CBR4: variants seen among roughly 807,000 people sequenced by gnomAD.
CBR4 encodes 3-oxoacyl-[acyl-carrier-protein] reductase.
CBR4 carries 22 observed loss-of-function variants against 21.0 expected under a neutral mutation model. The observed-to-expected ratio is 1.05, with a 90% CI of 0.75 to 1.50. CBR4 has a LOEUF of 1.50. Among genes scored for constraint, CBR4 ranks in the 40% most tolerant of loss-of-function variants. CBR4 has a pLI of 0.00. For synonymous variants in CBR4, 100 were observed against 104.4 expected, an observed-to-expected ratio of 0.96 and a Z score of 0.26; for missense variants, 302 against 286.3, an observed-to-expected ratio of 1.05 and a Z score of -0.40.
At chr4:168,961,718 C>T (rs1415048611) in intron 2 of CBR4, among the ~76,000 whole-genome samples, 1 of 150,782 alleles carries the variant, frequency 6.6e-6, no homozygotes, top group Non-Finnish European at 1.5e-5. Flanking sequence ...GGTGAAACCC[C>T]GTCTCTACTA....
At chr4:168,942,401 T>C (rs902596395) in intron 2 of CBR4, among the ~76,000 whole-genome samples, 1 of 150,980 alleles carries the variant, frequency 6.6e-6, no homozygotes, top group African/African-American at 2.4e-5. Context: ...TAAAGTACAA[T>C]TTAAAAAAAA....
chr4:168,907,071 C>G (rs548122434), intron 2 of CBR4, among the ~76,000 whole-genome samples: 2 of 152,126 alleles, frequency 1.3e-5, no homozygotes, highest in Admixed American at 1.3e-4. Context: ...GTGACCTTAG[C>G]AAGTCACTTA....
chr4:168,978,551 G>GC (rs937095017), intron 2 of CBR4, among the ~76,000 whole-genome samples: 15 of 152,172 alleles, frequency 9.9e-5, no homozygotes, highest in Non-Finnish European at 2.1e-4. Flanking sequence ...GTGAATAAGA[G>GC]CCCCAGGAAA....
In CBR4 at chr4:168,950,765, G is replaced by C. The variant is rs561710752; in HGVS notation, n.169+51306C>G. On this transcript the variant is annotated intron_variant and non_coding_transcript_variant, in intron 2 of 3. Transcript: ENST00000509108. Reference sequence around the variant, plus strand: ...TAGTAATTGTTTTATAAAACTGGGAGCTCCAGTGTTAGGTGCATATATATT... The same window carrying C: ...TAGTAATTGTTTTATAAAACTGGGACCTCCAGTGTTAGGTGCATATATATT... 5.3e-5 allele frequency among the ~76,000 whole-genome samples: 8 copies of C among 152,236 alleles called. No homozygotes were observed. In the South Asian group the frequency reaches 1.7e-3, roughly 32 times the overall value.
At chr4:168,926,487 T>C in intron 2 of CBR4, 1 of 693,614 alleles carries the variant, frequency 1.4e-6, no homozygotes, top group Non-Finnish European at 2.1e-6. Flanking sequence ...CCTTTGACTA[T>C]AAGAAATTAA....
At chr4:168,904,981 G>C (rs984820355) in intron 2 of CBR4, among the ~76,000 whole-genome samples, 1 of 151,752 alleles carries the variant, frequency 6.6e-6, no homozygotes, top group African/African-American at 2.4e-5. Flanking sequence ...ACAAAAATTA[G>C]CCAGGTGTGG....
In CBR4 at chr4:168,903,754, C is replaced by CAT. The variant is rs767632039; in HGVS notation, n.170-8990_170-8989insAT. On this transcript the variant is annotated intron_variant and non_coding_transcript_variant, in intron 2 of 3. Coordinates refer to the CBR4 transcript ENST00000509108. ...AATCTTTAATCTTTGTTTCTATTCA[C>CAT]AGATCTATTGGTTTAAAGATGGGAA... The CAT allele has an allele frequency of 2.5e-6, 4 of 1,607,916 alleles. No homozygotes were observed. The Admixed American group carries it at 5.0e-5, about 20-fold the overall frequency.
At position 168,954,294 on chromosome 4, in the gene CBR4, A is replaced by G. The variant is rs114166302; in HGVS notation, n.169+47777T>C. Among the ~76,000 whole-genome samples the G allele has an allele frequency of 5.6e-3, 849 of 152,316 alleles. 4 individuals carry two copies. The highest frequency in any genetic ancestry group is 8.7e-3 in the Non-Finnish European group (592 of 68,030). Reference sequence around the variant, plus strand: ...ATTCTGAGGAAAATGTTTCCAAGCTAGTATTCTGTCTTAGTCCATTTCCTG... The same window carrying G: ...ATTCTGAGGAAAATGTTTCCAAGCTGGTATTCTGTCTTAGTCCATTTCCTG... On this transcript the variant is annotated intron_variant and non_coding_transcript_variant, in intron 2 of 3. Transcript: ENST00000509108.
intron 2 of CBR4, among the ~76,000 whole-genome samples, chr4:168,978,759 C>G (rs1045977263): frequency 6.6e-6 from 1 of 152,148 alleles, no homozygotes; most frequent in East Asian, 1.9e-4. Flanking sequence ...GCCAGGTTCT[C>G]ACGCATACCC....
chr4:168,921,664 G>A lies in CBR4; in HGVS notation n.170-26899C>T, dbSNP rs1010581356. On this transcript the variant is annotated intron_variant and non_coding_transcript_variant, in intron 2 of 3. Transcript: ENST00000509108. ...CTGATCATAGAGCCAGTCACGTCACGTGATGCCGGCATCTACACATGTATA... is the reference window on the plus strand; with the variant it reads ...CTGATCATAGAGCCAGTCACGTCACATGATGCCGGCATCTACACATGTATA... 6 of 1,610,690 alleles carry A rather than the reference G, an allele frequency of 3.7e-6. No individual in the cohort carries two copies. Among genetic ancestry groups the A allele is most frequent in the South Asian group, 1.1e-5 (1 of 90,866 alleles).
chr4:168,970,384 T>C (rs1764168863), intron 2 of CBR4, among the ~76,000 whole-genome samples: 1 of 152,258 alleles, frequency 6.6e-6, no homozygotes, highest in African/African-American at 2.4e-5. Context: ...TTTACCTTTG[T>C]GTATCATGTG....
At chr4:168,909,707 T>A (rs942912745) in intron 2 of CBR4, among the ~76,000 whole-genome samples, 5 of 152,192 alleles carry the variant, frequency 3.3e-5, no homozygotes, top group Non-Finnish European at 5.9e-5. Context: ...GCCTACTAAC[T>A]ATGATTACCA....
At chr4:168,924,063 T>C (rs1168232080) in intron 2 of CBR4, among the ~76,000 whole-genome samples, 1 of 152,106 alleles carries the variant, frequency 6.6e-6, no homozygotes. Flanking sequence ...AGGAAATAAA[T>C]GAGCGGAATG....
chr4:169,002,231 A>T (rs1046404397), intron 3 of CBR4, 26 bp from the exon 4 acceptor site: 2 of 1,372,154 alleles, frequency 1.5e-6, no homozygotes, highest in African/African-American at 1.5e-5. Context: ...AAAAAAAAAA[A>T]AAAAAAGCGT....
intron 2 of CBR4, among the ~76,000 whole-genome samples, chr4:168,951,665 T>A (rs1428134298): frequency 6.6e-6 from 1 of 152,210 alleles, no homozygotes; most frequent in Non-Finnish European, 1.5e-5. Flanking sequence ...CTTTCCCACA[T>A]ACATGATGCT....
At chr4:168,905,607 C>T (rs1757562634) in intron 2 of CBR4, among the ~76,000 whole-genome samples, 2 of 151,982 alleles carry the variant, frequency 1.3e-5, no homozygotes, top group African/African-American at 4.8e-5. Flanking sequence ...GCACAGCAAA[C>T]TCTTCACTGT....
At chr4:168,978,239 C>T (rs1172349652) in intron 2 of CBR4, among the ~76,000 whole-genome samples, 1 of 152,132 alleles carries the variant, frequency 6.6e-6, no homozygotes, top group Non-Finnish European at 1.5e-5. Flanking sequence ...GAATGAAAGG[C>T]TTTACAGTCA....
rs372470150 is a variant in CBR4 at position 168,903,761 on chromosome 4, A to C, written n.170-8996T>G. The C allele has an allele frequency of 1.9e-6, 3 of 1,610,224 alleles. No individual in the cohort carries two copies. Among genetic ancestry groups the C allele is most frequent in the Non-Finnish European group, 2.5e-6 (3 of 1,176,664 alleles). The stretch of plus-strand genomic sequence containing the variant: ...AATCTTTGTTTCTATTCACAGATCT[A>C]TTGGTTTAAAGATGGGAAGCAGATC... On this transcript the variant is annotated intron_variant and non_coding_transcript_variant, in intron 2 of 3. Coordinates refer to the CBR4 transcript ENST00000509108.
chr4:168,955,391 A>G (rs1763655963), intron 2 of CBR4, among the ~76,000 whole-genome samples: 1 of 152,226 alleles, frequency 6.6e-6, no homozygotes, highest in Admixed American at 6.5e-5. Flanking sequence ...TGATAAATAG[A>G]AAAGCTAAAT....
Sources: gnomAD v4.1 joint callset for allele counts (sites outside exome capture counted in the v4.1 genomes callset) on GRCh38, gnomAD v4.1.1 for gene constraint, MANE v1.5 for transcripts, NCBI Gene and HGNC (gene_info 2026-07-23, HGNC 2026-07-21) for gene names.